Variants in RPN2 observed in about 807,000 individuals in gnomAD.
The protein encoded by RPN2 is dolichyl-diphosphooligosaccharide--protein glycosyltransferase subunit 2.
A neutral mutation model predicts 71.4 loss-of-function variants in RPN2; 29 were observed. The ratio of observed to expected loss-of-function variants is 0.41; its 90% CI spans 0.30 to 0.55. The LOEUF is 0.55. Among genes scored for constraint, RPN2 ranks in the 20% least tolerant of loss-of-function variants. The pLI is 0.35. For missense variants in RPN2, 726 were observed against 774.1 expected (o/e 0.94, Z 0.74); for synonymous variants, 308 against 305.0 (o/e 1.01, Z -0.10).
intron 2 of RPN2, among the ~76,000 whole-genome samples, chr20:37,189,948 T>C (rs1241662245): frequency 6.6e-6 from 1 of 152,160 alleles, no homozygotes; most frequent in East Asian, 1.9e-4. Context: ...TGGTTTTTGG[T>C]GATGTCTTTA....
chr20:37,191,658 C>CTTTT (rs780662238), intron 2 of RPN2, among the ~76,000 whole-genome samples: 4 of 144,734 alleles, frequency 2.8e-5, no homozygotes, highest in Non-Finnish European at 4.6e-5. Context: ...GTCCCAGCTA[C>CTTTT]TTTTTTTTTT....
intron 15 of RPN2, among the ~76,000 whole-genome samples, chr20:37,235,094 GTC>G (rs2068350564): frequency 6.6e-6 from 1 of 152,112 alleles, no homozygotes; most frequent in South Asian, 2.1e-4. Flanking sequence ...CTAGGCAAAT[GTC>G]TGTATTTTTC....
intron 5 of RPN2, 103 bp downstream of exon 5, chr20:37,204,063 G>A (rs2067457040): frequency 2.5e-6 from 2 of 800,832 alleles, no homozygotes; most frequent in Non-Finnish European, 2.2e-6. Flanking sequence ...AGGTTACATT[G>A]CTTCTTATAT....
intron 16 of RPN2, among the ~76,000 whole-genome samples, chr20:37,239,509 A>G (rs543112826): frequency 1.8e-4 from 28 of 152,354 alleles, no homozygotes; most frequent in Non-Finnish European, 3.2e-4. Flanking sequence ...TAGTATTTGG[A>G]GCCTTTCCAT....
intron 15 of RPN2, among the ~76,000 whole-genome samples, chr20:37,234,912 C>A (rs763847951): frequency 3.3e-5 from 5 of 152,134 alleles, no homozygotes; most frequent in Non-Finnish European, 5.9e-5. Context: ...CTCCTAGGCT[C>A]AAGCAGTCTT....
intron 7 of RPN2, among the ~76,000 whole-genome samples, 187 bp downstream of exon 7, chr20:37,207,636 C>A (rs2067548816): frequency 6.6e-6 from 1 of 152,094 alleles, no homozygotes; most frequent in Admixed American, 6.6e-5. Flanking sequence ...AGCCACAGAA[C>A]CCTTCAAATC....
At chr20:37,236,503 G>A (rs1392504981) in intron 15 of RPN2, 77 bp from the exon 16 acceptor site, 4 of 1,483,150 alleles carry the variant, frequency 2.7e-6, no homozygotes, top group Non-Finnish European at 3.7e-6. Flanking sequence ...TCCAACAGTT[G>A]CTATGTCTAA....
chr20:37,186,178 G>C (rs1386577171), intron 2 of RPN2, among the ~76,000 whole-genome samples: 1 of 152,188 alleles, frequency 6.6e-6, no homozygotes, highest in Non-Finnish European at 1.5e-5. Flanking sequence ...TCACCTGTTT[G>C]GGTCAGCCCA....
chr20:37,241,456 T>C lies in RPN2; in HGVS notation c.*141T>C. 1 of 1,001,374 alleles carries C rather than the reference T, an allele frequency of 1.0e-6. No individual in the cohort carries two copies. Among genetic ancestry groups the C allele is most frequent in the Non-Finnish European group, 1.5e-6 (1 of 666,072 alleles). 62.0% of individuals were successfully genotyped at this position (1,001,374 alleles called of 1,614,324 possible). On this transcript the variant is annotated 3_prime_UTR_variant, in exon 17 of 17. Coordinates refer to ENST00000237530, the MANE Select transcript of RPN2 (RefSeq NM_002951.5). ...TCCAGATTGTAGTTATACTTTTGCT[T>C]GTTTTTCAGTTTCCCCAACACACAG...
chr20:37,210,010 C>A, intron 7 of RPN2, 37 bp from the exon 8 acceptor site: 2 of 1,609,850 alleles, frequency 1.2e-6, no homozygotes, highest in Non-Finnish European at 1.7e-6. Context: ...GCTCCTGTAG[C>A]CTTTGTTGTA....
intron 14 of RPN2, among the ~76,000 whole-genome samples, chr20:37,233,365 T>C (rs1195881686): frequency 6.6e-6 from 1 of 152,198 alleles, no homozygotes; most frequent in African/African-American, 2.4e-5. Context: ...TGTGTTTTTC[T>C]CTTTTTTCAA....
At chr20:37,231,387 C>A (rs8125808) in intron 13 of RPN2, among the ~76,000 whole-genome samples, 6,424 of 151,526 alleles carry the variant, frequency 0.042, 415 homozygotes, top group African/African-American at 0.14. Flanking sequence ...AAAAAAAAAA[C>A]CAAGAAATAC....
intron 2 of RPN2, among the ~76,000 whole-genome samples, chr20:37,190,914 A>C (rs1195305905): frequency 6.6e-6 from 1 of 152,198 alleles, no homozygotes; most frequent in Non-Finnish European, 1.5e-5. Flanking sequence ...AACTACATAA[A>C]TCCATTGAGA....
At chr20:37,207,484 T>A in intron 7 of RPN2, 35 bp downstream of exon 7, 1 of 1,603,334 alleles carries the variant, frequency 6.2e-7, no homozygotes, top group Non-Finnish European at 8.5e-7. Context: ...GCCCCTCTGA[T>A]TATCATTCCT....
At chr20:37,191,660 T>A (rs925789436) in intron 2 of RPN2, among the ~76,000 whole-genome samples, 1 of 146,918 alleles carries the variant, frequency 6.8e-6, no homozygotes, top group South Asian at 2.1e-4. Context: ...CCCAGCTACT[T>A]TTTTTTTTTT....
intron 16 of RPN2, among the ~76,000 whole-genome samples, chr20:37,237,916 C>T (rs2068445647): frequency 6.6e-6 from 1 of 152,108 alleles, no homozygotes; most frequent in South Asian, 2.1e-4. Context: ...AATCTGCCCG[C>T]CATGGTGGCT....
At chr20:37,204,979 G>A (rs1568976178) in intron 6 of RPN2, 78 bp downstream of exon 6, 1 of 1,601,714 alleles carries the variant, frequency 6.2e-7, no homozygotes, top group Non-Finnish European at 8.5e-7. Context: ...TTTTATCAGA[G>A]AGGAATGTTC....
At chr20:37,219,872 G>T (rs897199872) in intron 9 of RPN2, among the ~76,000 whole-genome samples, 5 of 152,194 alleles carry the variant, frequency 3.3e-5, no homozygotes, top group Non-Finnish European at 7.3e-5. Flanking sequence ...GACAATAAAT[G>T]TAAGGGTTGA....
intron 2 of RPN2, among the ~76,000 whole-genome samples, chr20:37,191,045 A>T (rs2067126568): frequency 6.6e-6 from 1 of 152,186 alleles, no homozygotes; most frequent in South Asian, 2.1e-4. Flanking sequence ...CTATTCTCAC[A>T]GATCGATATA....
Sources: allele counts gnomAD v4.1 joint callset (sites outside exome capture counted in the v4.1 genomes callset), GRCh38; gene constraint gnomAD v4.1.1; transcripts MANE v1.5; gene names NCBI Gene and HGNC (gene_info 2026-07-23, HGNC 2026-07-21).